CC2D1A: variants seen among roughly 807,000 people sequenced by gnomAD.
The protein encoded by CC2D1A is coiled-coil and C2 domain containing 1A, also known as coiled-coil and C2 domain-containing protein 1A.
CC2D1A carries 68 observed loss-of-function variants against 123.8 expected under a neutral mutation model. The ratio of observed to expected loss-of-function variants is 0.55; its 90% CI spans 0.45 to 0.67. CC2D1A has a LOEUF of 0.67. CC2D1A is among the 30% of genes least tolerant of loss of function. CC2D1A has a pLI of 0.00. For synonymous variants in CC2D1A, 477 were observed against 528.0 expected, an observed-to-expected ratio of 0.90 and a Z score of 1.32; for missense variants, 1,185 against 1,290.3, an observed-to-expected ratio of 0.92 and a Z score of 1.25.
intron 2 of CC2D1A, 94 bp downstream of exon 2, chr19:13,910,052 G>A: frequency 8.3e-7 from 1 of 1,204,536 alleles, no homozygotes; most frequent in Non-Finnish European, 1.1e-6. Context: ...GGGGAAAGAA[G>A]ACAGAGAAGA....
chr19:13,907,242 C>A (rs1016816193), intron 1 of CC2D1A, among the ~76,000 whole-genome samples: 8 of 151,760 alleles, frequency 5.3e-5, no homozygotes, highest in Non-Finnish European at 8.8e-5. Context: ...AAAGCAAGAC[C>A]CCCGTCTCGA....
rs781414899 is a variant in CC2D1A, at chr19:13,929,643, G to T, written c.2693G>T (p.Gly898Val). ...CAGAGGGCACAGCTGGAGCAGGGGG[G>T]TGTGGGCATCCGACGGGGTAGGGGT... ...QWQRAQLEQG[G>V]VGIRREYAAQ... is the part of the protein sequence containing the mutation. Residue 898 changes from glycine to valine, a missense_variant, in exon 26 of 29, where the codon GGT becomes GTT. Physicochemically the swap from Gly to Val is moderately radical, Grantham distance 109 (BLOSUM62 -3). Coordinates refer to ENST00000318003, the MANE Select transcript of CC2D1A (RefSeq NM_017721.5). 49 of 1,563,486 alleles carry T rather than the reference G, an allele frequency of 3.1e-5. No individual in the cohort carries two copies. Among genetic ancestry groups the T allele is most frequent in the Admixed American group, 3.9e-5 (2 of 51,412 alleles).
chr19:13,925,957 TATACAC>T (rs1426654688), intron 17 of CC2D1A, among the ~76,000 whole-genome samples: 1 of 127,538 alleles, frequency 7.8e-6, no homozygotes, highest in African/African-American at 3.4e-5. Flanking sequence ...TATATATATA[TATACAC>T]GTATATATAT....
chr19:13,921,577 G>A (rs1971411015), intron 14 of CC2D1A, among the ~76,000 whole-genome samples: 1 of 152,044 alleles, frequency 6.6e-6, no homozygotes, highest in South Asian at 2.1e-4. Flanking sequence ...CATTTGAGGA[G>A]CTTGAACTGG....
In CC2D1A at chr19:13,930,269, C is replaced by A. The variant is rs544144437; in HGVS notation, c.2815C>A (p.Arg939=). 1.3e-5 allele frequency: 21 copies of A among 1,613,774 alleles called. No homozygotes were observed. The Admixed American group carries it at 3.0e-4, about 23-fold the overall frequency. Residue 939 remains arginine (R), a synonymous_variant, in exon 28 of 29, where the codon CGG becomes AGG. Transcript: ENST00000318003. This position sits in a 1 kb window ranked among gnomAD's most constrained non-coding sequence, Gnocchi z 6.8. The part of the protein sequence containing the change: ...RDAAKEALYR[R]NLVESELQRL... ...TGCTGCAAAGGAGGCGCTCTATAGGCGGAATCTGGTAGAGAGTGAGGTAAG... is the reference window on the plus strand; with the variant it reads ...TGCTGCAAAGGAGGCGCTCTATAGGAGGAATCTGGTAGAGAGTGAGGTAAG...
chr19:13,930,448 G>C lies in CC2D1A; in HGVS notation c.*53G>C, dbSNP rs570425921. 15 of 1,534,838 alleles carry C rather than the reference G, an allele frequency of 9.8e-6. No individual in the cohort carries two copies. Among genetic ancestry groups the C allele is most frequent in the Non-Finnish European group, 1.3e-5 (15 of 1,140,882 alleles). Reference sequence around the variant, plus strand: ...AAAGCGGGCAGCAGGCCCCGATACCGGGAAGAGCCGACACAGCCACGAACC... The same window carrying C: ...AAAGCGGGCAGCAGGCCCCGATACCCGGAAGAGCCGACACAGCCACGAACC... On this transcript the variant is annotated 3_prime_UTR_variant, in exon 29 of 29. Transcript: ENST00000318003. The surrounding 1 kb of genome is among the most constrained non-coding windows in gnomAD (Gnocchi z 6.8).
At chr19:13,910,332 A>C (rs938019695) in intron 2 of CC2D1A, among the ~76,000 whole-genome samples, 6 of 146,132 alleles carry the variant, frequency 4.1e-5, no homozygotes, top group Admixed American at 1.4e-4. Context: ...GGCGTGAACC[A>C]GGGAGGCGGA....
intron 11 of CC2D1A, among the ~76,000 whole-genome samples, 163 bp downstream of exon 11, chr19:13,919,365 A>C (rs1971328224): frequency 6.6e-6 from 1 of 152,218 alleles, no homozygotes; most frequent in Non-Finnish European, 1.5e-5. Context: ...CAGGGAGCTG[A>C]ATACAACATA....
chr19:13,930,512 C>T lies in CC2D1A; in HGVS notation c.*117C>T, dbSNP rs1568424747. On this transcript the variant is annotated 3_prime_UTR_variant, in exon 29 of 29. Coordinates refer to ENST00000318003, the MANE Select transcript of CC2D1A (RefSeq NM_017721.5). This position sits in a 1 kb window ranked among gnomAD's most constrained non-coding sequence, Gnocchi z 6.8. The stretch of plus-strand genomic sequence containing the variant: ...ATCAGCGGACAATCGGTTCTGGACT[C>T]ACCCCTCATCCGGGCCCCCAGCCCC... 1.8e-5 allele frequency: 22 copies of T among 1,221,992 alleles called. No individual in the cohort carries two copies. Among genetic ancestry groups the T allele is most frequent in the Non-Finnish European group, 2.4e-5 (22 of 900,514 alleles). 75.7% of individuals were successfully genotyped at this position (1,221,992 alleles called of 1,614,324 possible).
intron 6 of CC2D1A, among the ~76,000 whole-genome samples, chr19:13,916,128 A>G (rs1908924445): frequency 6.6e-6 from 1 of 152,164 alleles, no homozygotes; most frequent in African/African-American, 2.4e-5. Context: ...GTGGTGGTGC[A>G]TGCTGGTAGT....
chr19:13,927,833 G>A, intron 22 of CC2D1A, 60 bp from the exon 23 acceptor site: 1 of 1,562,032 alleles, frequency 6.4e-7, no homozygotes, highest in Non-Finnish European at 8.7e-7. Context: ...CCTTGTCCTG[G>A]CCCTGGGCCT....
chr19:13,921,748 TC>T, intron 14 of CC2D1A, among the ~76,000 whole-genome samples: 1 of 152,166 alleles, frequency 6.6e-6, no homozygotes, highest in East Asian at 1.9e-4. Context: ...AAGGCAAAAA[TC>T]CACACTCTCT....
Position 13,913,480 on chromosome 19 carries a change from T to G in CC2D1A, c.590T>G (p.Ile197Arg), listed in dbSNP as rs969631133. Residue 197 changes from isoleucine to arginine, a missense_variant, in exon 6 of 29, where the codon ATA (isoleucine) becomes AGA (arginine). Coordinates refer to ENST00000318003, the MANE Select transcript of CC2D1A (RefSeq NM_017721.5). ...DEADIPPPVA[I>R]GKGPASTPTY... The stretch of plus-strand genomic sequence containing the variant: ...GCGGACATCCCGCCGCCAGTGGCCA[T>G]AGGAAAAGGCCCGGCGTCCACGCCT... The G allele has an allele frequency of 6.8e-5, 109 of 1,614,034 alleles. No homozygotes were observed. Among genetic ancestry groups the G allele is most frequent in the Non-Finnish European group, 9.0e-5 (106 of 1,180,044 alleles).
At chr19:13,914,090 C>T (rs1247342296) in intron 6 of CC2D1A, among the ~76,000 whole-genome samples, 1 of 151,912 alleles carries the variant, frequency 6.6e-6, no homozygotes, top group Non-Finnish European at 1.5e-5. Context: ...GTTGGCCAGG[C>T]TGGTCTTGAA....
intron 6 of CC2D1A, among the ~76,000 whole-genome samples, chr19:13,914,370 T>A (rs978708066): frequency 2.0e-5 from 3 of 149,992 alleles, no homozygotes; most frequent in African/African-American, 7.5e-5. Context: ...AGTCTCGCTC[T>A]GTCACCCAGG....
Position 13,930,309 on chromosome 19 carries a change from G to A in CC2D1A, c.2835+20G>A, listed in dbSNP as rs768688802. ...AGTGAGGTAAGCAGCTTAGGAGATG[G>A]GGTGGTTGGGGGATCACTGTGGTCG... On this transcript the variant is annotated intron_variant, in intron 28 of 28. Coordinates refer to ENST00000318003, the MANE Select transcript of CC2D1A (RefSeq NM_017721.5). The surrounding 1 kb of genome is among the most constrained non-coding windows in gnomAD (Gnocchi z 6.8). 2.3e-5 allele frequency: 37 copies of A among 1,613,784 alleles called. No individual in the cohort carries two copies. The Admixed American group carries it at 5.8e-4, about 25-fold the overall frequency.
chr19:13,925,946 A>ATATACGTATATATATG lies in CC2D1A; in HGVS notation c.1941-567_1941-566insCGTATATATATGTATA, dbSNP rs1568418441. On this transcript the variant is annotated intron_variant, in intron 17 of 28. Transcript: ENST00000318003. ...AAAAAAAAAAAAAATATATATATAT[A>ATATACGTATATATATG]TATATATATATATACACGTATATAT... Among the ~76,000 whole-genome samples the ATATACGTATATATATG allele has an allele frequency of 2.9e-3, 350 of 121,768 alleles. 13 individuals are homozygous for ATATACGTATATATATG. The highest frequency in any genetic ancestry group is 0.013 in the African/African-American group (335 of 26,498). The allele number at this position is 121,768 out of a possible 152,430, so 79.9% of individuals were successfully genotyped here.
chr19:13,921,192 G>C (rs1333891773), intron 14 of CC2D1A, among the ~76,000 whole-genome samples: 4 of 152,246 alleles, frequency 2.6e-5, no homozygotes, highest in African/African-American at 9.6e-5. Flanking sequence ...GGTTGTCCTT[G>C]TCCACATGAT....
Position 13,918,898 on chromosome 19 carries a change from C to A in CC2D1A, c.1019-14C>A. 1 of 1,607,116 alleles carries A rather than the reference C, an allele frequency of 6.2e-7. No homozygotes were observed. The highest frequency in any genetic ancestry group is 8.5e-7 in the Non-Finnish European group (1 of 1,175,806). ...ATCCGTTGACTCTTAACCTTGTCCCCCTGTCCGGCCCAGAGGTGCCCCCAC... is the reference window on the plus strand; with the variant it reads ...ATCCGTTGACTCTTAACCTTGTCCCACTGTCCGGCCCAGAGGTGCCCCCAC... On this transcript the variant is annotated splice_polypyrimidine_tract_variant and intron_variant, in intron 9 of 28. Transcript: ENST00000318003.
Sources: gnomAD v4.1 joint callset for allele counts (sites outside exome capture counted in the v4.1 genomes callset) on GRCh38, gnomAD v4.1.1 for gene constraint, Gnocchi (gnomAD v3.1) non-coding constraint, MANE v1.5 for transcripts, NCBI Gene and HGNC (gene_info 2026-07-23, HGNC 2026-07-21) for gene names.